Variants in NUP210 observed in about 807,000 individuals in gnomAD.
The protein encoded by NUP210 is nucleoporin 210.
In NUP210, 151 loss-of-function variants were observed where a neutral mutation model predicts 196.0. The observed-to-expected ratio is 0.77, with a 90% CI of 0.67 to 0.88. The LOEUF (loss-of-function observed/expected upper bound fraction) is 0.88. Among genes scored for constraint, NUP210 ranks in the 40% least tolerant of loss-of-function variants. NUP210 has a pLI of 0.00. For synonymous variants in NUP210, 1,070 were observed against 1,052.7 expected, an observed-to-expected ratio of 1.02 and a Z score of -0.32; for missense variants, 2,314 against 2,493.7, an observed-to-expected ratio of 0.93 and a Z score of 1.53.
chr3:13,407,024 C>G (rs1401801108), intron 1 of NUP210, among the ~76,000 whole-genome samples: 1 of 152,190 alleles, frequency 6.6e-6, no homozygotes, highest in African/African-American at 2.4e-5. Context: ...GGTGCTGCCA[C>G]TCACCAGCTG....
In NUP210 at chr3:13,379,659, C is replaced by T; in HGVS notation, c.880G>A (p.Gly294Arg). ...QLQNSIPGPE[G>R]DPARPVAVLA... ...ACAGCCACCGGCCGGGCTGGGTCTC[C>T]TTCGGGGCCCGGGATGCTGTTCTGA... The change falls in exon 7 of 40, where the codon GGA becomes AGA. Residue 294 changes from glycine (G) to arginine (R), a missense_variant. Physicochemically the swap from Gly to Arg is moderately radical, Grantham distance 125. Coordinates refer to ENST00000254508, the MANE Select transcript of NUP210 (RefSeq NM_024923.4). The surrounding 1 kb of genome is among the most constrained non-coding windows in gnomAD (Gnocchi z 4.2). 1 of 1,614,006 alleles carries T rather than the reference C, an allele frequency of 6.2e-7. No homozygotes were observed. The highest frequency in any genetic ancestry group is 8.5e-7 in the Non-Finnish European group (1 of 1,179,992).
intron 16 of NUP210, among the ~76,000 whole-genome samples, chr3:13,356,862 A>G (rs954510420): frequency 1.3e-5 from 2 of 152,246 alleles, no homozygotes; most frequent in African/African-American, 4.8e-5. Context: ...ACACTGGGCT[A>G]AAGCAGAGGT....
rs201655134 is a variant in NUP210, at chr3:13,354,008, C to T, written c.2428G>A (p.Glu810Lys). The change falls in exon 17 of 40, where the codon GAG (glutamate) becomes AAG (lysine). Residue 810 changes from glutamate (E) to lysine (K), a missense_variant. Coordinates refer to ENST00000254508, the MANE Select transcript of NUP210 (RefSeq NM_024923.4). Reference sequence around the variant, plus strand: ...CTGGCCAACACTGGCCTGGTGGACTCCCACTGGATGCTCAGAGAGCTGAAG... The same window carrying T: ...CTGGCCAACACTGGCCTGGTGGACTTCCACTGGATGCTCAGAGAGCTGAAG... Reference protein sequence around the residue: ...DNFSSLSIQWESTRPVLASIE... With the variant: ...DNFSSLSIQWKSTRPVLASIE... 6 of 1,609,510 alleles carry T rather than the reference C, an allele frequency of 3.7e-6. No individual in the cohort carries two copies. In the East Asian group the frequency reaches 1.1e-4, roughly 30 times the overall value.
chr3:13,329,187 G>A (rs1696896843), intron 30 of NUP210, among the ~76,000 whole-genome samples: 1 of 152,216 alleles, frequency 6.6e-6, no homozygotes, highest in South Asian at 2.1e-4. Context: ...ACCCACCCAG[G>A]AGTGTCCCAA....
Position 13,396,598 on chromosome 3 carries a change from A to C in NUP210, c.436+759T>G, listed in dbSNP as rs866402647. On this transcript the variant is annotated intron_variant, in intron 3 of 39. Transcript: ENST00000254508. ...ACCCGTTTCCACTAAAAATACAAAA[A>C]AAAAAAAAAAAATTAGCTGGGCTTG... Among the ~76,000 whole-genome samples the C allele has an allele frequency of 3.5e-3, 522 of 151,288 alleles. 4 individuals carry two copies. The highest frequency in any genetic ancestry group is 9.9e-3 in the African/African-American group (406 of 41,170).
At position 13,323,535 on chromosome 3, in the gene NUP210, C is replaced by T. The variant is rs531109188; in HGVS notation, c.4645-103G>A. 210 of 1,333,598 alleles carry T rather than the reference C, an allele frequency of 1.6e-4. 1 individual carries two copies. The South Asian group carries it at 2.3e-3, about 15-fold the overall frequency. 82.6% of individuals were successfully genotyped at this position (1,333,598 alleles called of 1,614,324 possible). On this transcript the variant is annotated intron_variant, in intron 33 of 39. Coordinates refer to ENST00000254508, the MANE Select transcript of NUP210 (RefSeq NM_024923.4). This position sits in a 1 kb window ranked among gnomAD's most constrained non-coding sequence, Gnocchi z 4.3. ...CTGCAGTCTGTGACATAGTGTCACCCGTTTCACAGGTGGCAACACTGAGGC... is the reference window on the plus strand; with the variant it reads ...CTGCAGTCTGTGACATAGTGTCACCTGTTTCACAGGTGGCAACACTGAGGC...
chr3:13,390,913 C>T (rs754771055), intron 4 of NUP210, among the ~76,000 whole-genome samples: 1 of 152,264 alleles, frequency 6.6e-6, no homozygotes, highest in Non-Finnish European at 1.5e-5. Flanking sequence ...GGGCCACCCA[C>T]ACTTTCCCTG....
At chr3:13,358,489 G>T in intron 15 of NUP210, 94 bp from the exon 16 acceptor site, 1 of 1,274,162 alleles carries the variant, frequency 7.8e-7, no homozygotes, top group Non-Finnish European at 1.1e-6. Context: ...CTCTGACTCA[G>T]TTTTCTCCTC....
chr3:13,331,999 C>T (rs1211153644), intron 29 of NUP210, among the ~76,000 whole-genome samples: 1 of 152,160 alleles, frequency 6.6e-6, no homozygotes, highest in Non-Finnish European at 1.5e-5. Flanking sequence ...TCTTGAAACA[C>T]AACATTTCTA....
At chr3:13,370,507 G>A (rs1489026776) in intron 13 of NUP210, among the ~76,000 whole-genome samples, 2 of 152,080 alleles carry the variant, frequency 1.3e-5, no homozygotes, top group East Asian at 1.9e-4. Flanking sequence ...CTTTCCTCCC[G>A]GGGACCTGAG....
At chr3:13,358,944 G>T (rs1698279030) in intron 15 of NUP210, among the ~76,000 whole-genome samples, 1 of 152,226 alleles carries the variant, frequency 6.6e-6, no homozygotes, top group Non-Finnish European at 1.5e-5. Context: ...GGAAATCCAT[G>T]GTGCAAGAAA....
At chr3:13,326,362 A>AG (rs397751694) in intron 32 of NUP210, among the ~76,000 whole-genome samples, 1 of 149,892 alleles carries the variant, frequency 6.7e-6, no homozygotes, top group Non-Finnish European at 1.5e-5. Flanking sequence ...CTTTTTAGCA[A>AG]CAGACAGCAG....
chr3:13,352,212 T>C, intron 18 of NUP210, 28 bp from the exon 19 acceptor site: 1 of 1,550,134 alleles, frequency 6.5e-7, no homozygotes, highest in Non-Finnish European at 8.9e-7. Flanking sequence ...GGCCATTAGA[T>C]CCAGGAGGAC....
At position 13,335,597 on chromosome 3, in the gene NUP210, G is replaced by C; in HGVS notation, c.3700C>G (p.Pro1234Ala). 1 of 1,614,048 alleles carries C rather than the reference G, an allele frequency of 6.2e-7. No individual in the cohort carries two copies. Among genetic ancestry groups the C allele is most frequent in the Non-Finnish European group, 8.5e-7 (1 of 1,180,014 alleles). ...TTCATGGCAAAGTTGTACTGTGACG[G>C]GAGTCGGATCGACGCCTGGGAAGAC... ...GRHHEASIRL[P>A]SQYNFAMNVL... The change falls in exon 28 of 40, where the codon CCG (proline) becomes GCG (alanine). Residue 1234 changes from proline (P) to alanine (A), a missense_variant. Pro to Ala is a conservative substitution (Grantham distance 27, BLOSUM62 -1). Transcript: ENST00000254508.
At chr3:13,366,806 C>T (rs1233191425) in intron 13 of NUP210, among the ~76,000 whole-genome samples, 2 of 151,694 alleles carry the variant, frequency 1.3e-5, no homozygotes, top group African/African-American at 4.8e-5. Flanking sequence ...CATGAGCCAC[C>T]GCACCCGGCC....
At chr3:13,418,649 G>A (rs1288692493) in intron 1 of NUP210, among the ~76,000 whole-genome samples, 1 of 151,976 alleles carries the variant, frequency 6.6e-6, no homozygotes, top group East Asian at 1.9e-4. Context: ...CTAGCTGGGT[G>A]TTGTGGCGGG....
intron 1 of NUP210, among the ~76,000 whole-genome samples, chr3:13,415,644 G>A (rs939414010): frequency 2.6e-5 from 4 of 152,176 alleles, no homozygotes; most frequent in Admixed American, 1.3e-4. Flanking sequence ...GGGGCCTCCC[G>A]TCGAATTCAA....
intron 4 of NUP210, among the ~76,000 whole-genome samples, chr3:13,390,995 A>T (rs1699470638): frequency 6.6e-6 from 1 of 152,160 alleles, no homozygotes; most frequent in Non-Finnish European, 1.5e-5. Context: ...TTCTCACAGG[A>T]CACTCTCTGG....
At chr3:13,374,347 C>G (rs1005260182) in intron 11 of NUP210, among the ~76,000 whole-genome samples, 1 of 152,226 alleles carries the variant, frequency 6.6e-6, no homozygotes, top group Non-Finnish European at 1.5e-5. Flanking sequence ...CTCACACATA[C>G]ATACGTTCAC....
Sources: gnomAD v4.1 joint callset for allele counts (sites outside exome capture counted in the v4.1 genomes callset) on GRCh38, gnomAD v4.1.1 for gene constraint, Gnocchi (gnomAD v3.1) non-coding constraint, MANE v1.5 for transcripts, NCBI Gene and HGNC (gene_info 2026-07-23, HGNC 2026-07-21) for gene names.